The following ADCY2 variants were observed in gnomAD, a reference collection of about 807,000 sequenced individuals.
The protein encoded by ADCY2 is adenylate cyclase 2.
In ADCY2, 31 loss-of-function variants were observed where a neutral mutation model predicts 125.2. That is an observed-to-expected ratio of 0.25 (90% confidence interval 0.19 to 0.33). The LOEUF (loss-of-function observed/expected upper bound fraction) is 0.33. ADCY2 is among the 10% of genes least tolerant of loss of function. The pLI, the probability that ADCY2 is intolerant of heterozygous loss-of-function variation, is 1.00. For missense variants in ADCY2, 904 were observed against 1,418.2 expected (o/e 0.64, Z 5.82); for synonymous variants, 512 against 548.4 (o/e 0.93, Z 0.93).
intron 2 of ADCY2, among the ~76,000 whole-genome samples, chr5:7,419,417 C>T (rs756424285): frequency 8.5e-5 from 13 of 152,214 alleles, no homozygotes; most frequent in Non-Finnish European, 1.6e-4. Context: ...TGGTGCTGCT[C>T]TCCTACAACC....
intron 15 of ADCY2, among the ~76,000 whole-genome samples, chr5:7,753,516 A>T (rs191058783): frequency 2.0e-5 from 3 of 152,298 alleles, no homozygotes; most frequent in Admixed American, 2.0e-4. Context: ...ATTTTTTGAG[A>T]TGTTGTCATT....
At chr5:7,819,913 C>T (rs1312378207) in intron 23 of ADCY2, among the ~76,000 whole-genome samples, 1 of 152,180 alleles carries the variant, frequency 6.6e-6, no homozygotes, top group Non-Finnish European at 1.5e-5. Context: ...GGCTCTTCCC[C>T]ACCCCCAGAG....
chr5:7,792,506 G>A (rs1744281413), intron 20 of ADCY2, among the ~76,000 whole-genome samples: 1 of 152,172 alleles, frequency 6.6e-6, no homozygotes, highest in Non-Finnish European at 1.5e-5. Context: ...GTGAAGGTCT[G>A]TGGGGAGCAC....
intron 4 of ADCY2, among the ~76,000 whole-genome samples, chr5:7,650,425 A>C (rs1739048162): frequency 6.6e-6 from 1 of 152,188 alleles, no homozygotes; most frequent in Non-Finnish European, 1.5e-5. Flanking sequence ...TCATGAGAAG[A>C]ATTAGATTCG....
chr5:7,493,764 A>G (rs1010055936), intron 2 of ADCY2, among the ~76,000 whole-genome samples: 2 of 152,132 alleles, frequency 1.3e-5, no homozygotes, highest in African/African-American at 2.4e-5. Context: ...GGGATACAAC[A>G]ACTGCTCTGA....
chr5:7,524,068 G>A (rs1036672171), intron 3 of ADCY2, among the ~76,000 whole-genome samples: 8 of 152,150 alleles, frequency 5.3e-5, no homozygotes, highest in Middle Eastern at 3.4e-3. Flanking sequence ...CATTGTTCTC[G>A]GGAAATTCAT....
At chr5:7,449,886 G>A (rs1741409416) in intron 2 of ADCY2, among the ~76,000 whole-genome samples, 1 of 152,110 alleles carries the variant, frequency 6.6e-6, no homozygotes, top group South Asian at 2.1e-4. Flanking sequence ...CTGCTATAGT[G>A]ACCTGTGACC....
rs72710461 is a variant in ADCY2 at position 7,593,100 on chromosome 5, G to A, written c.571-33067G>A. Among the ~76,000 whole-genome samples the A allele has an allele frequency of 3.7e-3, 568 of 152,296 alleles. 5 individuals carry two copies. Among genetic ancestry groups the A allele is most frequent in the Non-Finnish European group, 5.5e-3 (377 of 68,032 alleles). The stretch of plus-strand genomic sequence containing the variant: ...ACCAATAGCAGGAGGGAGAGCTGTG[G>A]AAGCAGCTGCCCAGCGCCCTCTGGG... On this transcript the variant is annotated intron_variant, in intron 3 of 24. Transcript: ENST00000338316.
At chr5:7,626,721 TAG>T (rs1336450175) in intron 4 of ADCY2, among the ~76,000 whole-genome samples, 1 of 151,952 alleles carries the variant, frequency 6.6e-6, no homozygotes, top group Non-Finnish European at 1.5e-5. Context: ...ATGGGAACAA[TAG>T]AGTGAGAAAC....
chr5:7,771,352 G>A (rs778963345), intron 17 of ADCY2, among the ~76,000 whole-genome samples: 4 of 152,064 alleles, frequency 2.6e-5, no homozygotes, highest in African/African-American at 9.7e-5. Flanking sequence ...ACTTGACATC[G>A]GGCAATTGCA....
intron 2 of ADCY2, among the ~76,000 whole-genome samples, chr5:7,515,956 G>T (rs1441100556): frequency 2.0e-5 from 3 of 152,276 alleles, no homozygotes; most frequent in African/African-American, 7.2e-5. Context: ...TTTTGTGCAG[G>T]TGGTCTGAGG....
In ADCY2 at chr5:7,520,906, G is replaced by T; in HGVS notation, c.570+7G>T. ...GGAGCACCTGGTCTGGCAGGTGGGTGCACCTCCACATCCATGGAGAATGAC... is the reference window on the plus strand; with the variant it reads ...GGAGCACCTGGTCTGGCAGGTGGGTTCACCTCCACATCCATGGAGAATGAC... On this transcript the variant is annotated splice_region_variant and intron_variant, in intron 3 of 24. Coordinates refer to ENST00000338316, the MANE Select transcript of ADCY2 (RefSeq NM_020546.3). The T allele has an allele frequency of 2.5e-6, 4 of 1,613,720 alleles. No homozygotes were observed. The highest frequency in any genetic ancestry group is 3.4e-6 in the Non-Finnish European group (4 of 1,179,994).
intron 22 of ADCY2, among the ~76,000 whole-genome samples, chr5:7,812,545 C>T (rs1744978537): frequency 6.6e-6 from 1 of 152,158 alleles, no homozygotes; most frequent in African/African-American, 2.4e-5. Flanking sequence ...GACTAAGACC[C>T]AAGACCCAGG....
chr5:7,414,504 C>T, intron 1 of ADCY2, 69 bp from the exon 2 acceptor site: 2 of 1,328,814 alleles, frequency 1.5e-6, no homozygotes, highest in East Asian at 4.9e-5. Context: ...GACATTTTAA[C>T]AACATAAATC....
chr5:7,646,379 C>A (rs1738897231), intron 4 of ADCY2, among the ~76,000 whole-genome samples: 2 of 151,268 alleles, frequency 1.3e-5, no homozygotes, highest in Admixed American at 6.6e-5. Context: ...AATAGTTTAT[C>A]TCACTGCTTT....
intron 2 of ADCY2, among the ~76,000 whole-genome samples, chr5:7,416,513 T>C (rs1243307338): frequency 6.6e-6 from 1 of 152,168 alleles, no homozygotes; most frequent in Non-Finnish European, 1.5e-5. Flanking sequence ...TTAGACAAAA[T>C]ACTACATAAC....
At chr5:7,406,858 T>C (rs1233217895) in intron 1 of ADCY2, among the ~76,000 whole-genome samples, 1 of 152,226 alleles carries the variant, frequency 6.6e-6, no homozygotes, top group Non-Finnish European at 1.5e-5. Flanking sequence ...GACATGCTTC[T>C]TGAAAGGTTT....
rs374782751 is a variant in ADCY2 at position 7,686,804 on chromosome 5, A to T, written c.721-3887A>T. ...TTTACAAATTGGGCTGAAATTTATC[A>T]TGGATGCCATAATAGTGGGCTTTTC... is the stretch of plus-strand genomic sequence containing the variant. On this transcript the variant is annotated intron_variant, in intron 4 of 24. Coordinates refer to ENST00000338316, the MANE Select transcript of ADCY2 (RefSeq NM_020546.3). Among the ~76,000 whole-genome samples the T allele has an allele frequency of 6.6e-5, 10 of 152,352 alleles. No homozygotes were observed. In the South Asian group the frequency reaches 1.9e-3, roughly 28 times the overall value.
chr5:7,415,318 T>A (rs1430923800), intron 2 of ADCY2, among the ~76,000 whole-genome samples: 1 of 152,186 alleles, frequency 6.6e-6, no homozygotes, highest in Non-Finnish European at 1.5e-5. Context: ...TCAAAGTCAC[T>A]CTGTCCTCAT....
Sources: gnomAD v4.1 joint callset for allele counts (sites outside exome capture counted in the v4.1 genomes callset) on GRCh38, gnomAD v4.1.1 for gene constraint, MANE v1.5 for transcripts, NCBI Gene and HGNC (gene_info 2026-07-23, HGNC 2026-07-21) for gene names.